RASSF5: variants seen among roughly 807,000 people sequenced by gnomAD.
RASSF5 encodes ras association domain-containing protein 5.
In RASSF5, 25 loss-of-function variants were observed where a neutral mutation model predicts 40.5. The ratio of observed to expected loss-of-function variants is 0.62; its 90% CI spans 0.45 to 0.86. The LOEUF (loss-of-function observed/expected upper bound fraction) is 0.86. Among genes scored for constraint, RASSF5 ranks in the 40% least tolerant of loss-of-function variants. The pLI is 0.00. For missense variants in RASSF5, 521 were observed against 572.8 expected, an observed-to-expected ratio of 0.91 and a Z score of 0.92; for synonymous variants, 246 against 252.4, an observed-to-expected ratio of 0.97 and a Z score of 0.24.
chr1:206,576,365 G>A (rs1193304360), intron 2 of RASSF5, among the ~76,000 whole-genome samples: 1 of 152,226 alleles, frequency 6.6e-6, no homozygotes, highest in East Asian at 1.9e-4. Flanking sequence ...CAGGGGGTGA[G>A]CCTAGCTGTC....
chr1:206,514,068 G>A (rs970230482), intron 1 of RASSF5, among the ~76,000 whole-genome samples: 1 of 152,250 alleles, frequency 6.6e-6, no homozygotes, highest in Non-Finnish European at 1.5e-5. Context: ...AGGCCATGCC[G>A]GGCCTGTTCT....
At chr1:206,515,339 G>A (rs1572289677) in intron 1 of RASSF5, among the ~76,000 whole-genome samples, 1 of 152,170 alleles carries the variant, frequency 6.6e-6, no homozygotes, top group Non-Finnish European at 1.5e-5. Flanking sequence ...TTAGAAAAAG[G>A]GTGAAGTTTT....
chr1:206,566,373 G>C (rs1668290065), intron 2 of RASSF5, among the ~76,000 whole-genome samples: 2 of 152,118 alleles, frequency 1.3e-5, no homozygotes, highest in African/African-American at 4.8e-5. Context: ...GTTTTTTCCT[G>C]TTCTAGTCTT....
intron 1 of RASSF5, among the ~76,000 whole-genome samples, chr1:206,510,910 G>C (rs1369557305): frequency 6.6e-6 from 1 of 152,212 alleles, no homozygotes; most frequent in Non-Finnish European, 1.5e-5. Flanking sequence ...GGGTATGTGA[G>C]TGACATCTGT....
chr1:206,529,930 A>G (rs906231867), intron 1 of RASSF5, among the ~76,000 whole-genome samples: 1 of 152,062 alleles, frequency 6.6e-6, no homozygotes, highest in Admixed American at 6.6e-5. Flanking sequence ...AAATAAATAC[A>G]ATAAAATAAA....
rs1324876650 is a variant in RASSF5 at position 206,560,410 on chromosome 1, C to G, written c.579+22117C>G. Among the ~76,000 whole-genome samples, 2 of 152,180 alleles carry G rather than the reference C, an allele frequency of 1.3e-5. No individual in the cohort carries two copies. The highest frequency in any genetic ancestry group is 2.9e-5 in the Non-Finnish European group (2 of 68,026). ...CTCCCCATTTCATAGGAAGGGGGTG[C>G]CTAAAGGTCAGGAGACAGCAAGGGA... On this transcript the variant is annotated intron_variant, in intron 2 of 5. Coordinates refer to ENST00000579436, the MANE Select transcript of RASSF5 (RefSeq NM_182663.4). The surrounding 1 kb of genome is among the most constrained non-coding windows in gnomAD (Gnocchi z 5.1).
intron 2 of RASSF5, among the ~76,000 whole-genome samples, chr1:206,548,411 C>T (rs1667750524): frequency 6.6e-6 from 1 of 152,120 alleles, no homozygotes; most frequent in South Asian, 2.1e-4. Flanking sequence ...AGGCGCCAAG[C>T]TCCTTTGAAC....
intron 2 of RASSF5, 80 bp from the exon 3 acceptor site, chr1:206,583,189 G>A (rs2103569472): frequency 2.2e-6 from 2 of 904,626 alleles, no homozygotes; most frequent in Non-Finnish European, 3.7e-6. Flanking sequence ...GGTTAGAGAG[G>A]CTTTGGGGAG....
chr1:206,554,637 T>C (rs1483869882), intron 2 of RASSF5, among the ~76,000 whole-genome samples: 2 of 152,176 alleles, frequency 1.3e-5, no homozygotes, highest in Admixed American at 1.3e-4. Flanking sequence ...TTGCTCAGAC[T>C]CTTCCATGCC....
chr1:206,557,571 T>A, intron 2 of RASSF5: 2 of 1,613,728 alleles, frequency 1.2e-6, no homozygotes, highest in Non-Finnish European at 1.7e-6. Flanking sequence ...AACTCCGGGG[T>A]AGATGACCGT....
At chr1:206,573,096 T>C (rs1003043103) in intron 2 of RASSF5, among the ~76,000 whole-genome samples, 2 of 152,240 alleles carry the variant, frequency 1.3e-5, no homozygotes, top group African/African-American at 4.8e-5. Flanking sequence ...GCTTACTGTG[T>C]ACTTTGTGCT....
At position 206,535,028 on chromosome 1, in the gene RASSF5, C is replaced by T. The variant is rs949985240; in HGVS notation, c.458-3144C>T. On this transcript the variant is annotated intron_variant, in intron 1 of 5. Transcript: ENST00000579436. The surrounding 1 kb of genome is among the most constrained non-coding windows in gnomAD (Gnocchi z 5.0). ...GGCAAATCGCTTGAGCCCAGGAGTT[C>T]GAGACCAGCCTGGGAAAAATGGTGA... 6.6e-6 allele frequency among the ~76,000 whole-genome samples: 1 copy of T among 152,072 alleles called. No homozygotes were observed. The highest frequency in any genetic ancestry group is 2.4e-5 in the African/African-American group (1 of 41,388).
chr1:206,557,288 G>A, intron 2 of RASSF5: 1 of 1,230,928 alleles, frequency 8.1e-7, no homozygotes, highest in African/African-American at 1.6e-5. Context: ...GCCCGGACGA[G>A]TCAGGGAGTG....
chr1:206,586,837 C>A lies in RASSF5; in HGVS notation c.1116C>A (p.Phe372Leu), dbSNP rs782710434. ...CTCTCGCCTCACAGTGGGATGCCTTCTCCATCCCTGAACTTCAGAACTTCC... is the reference window on the plus strand; with the variant it reads ...CTCTCGCCTCACAGTGGGATGCCTTATCCATCCCTGAACTTCAGAACTTCC... ...NETGEVEWDA[F>L]SIPELQNFLT... Residue 372 changes from phenylalanine (F) to leucine (L), a missense_variant, in exon 6 of 6, where the codon TTC becomes TTA. Physicochemically the swap from Phe to Leu is conservative, Grantham distance 22. Around this residue, in one of 2 missense-constraint regions of RASSF5, gnomAD observed 284 missense variants for 360.8 expected, o/e 0.79. Coordinates refer to ENST00000579436, the MANE Select transcript of RASSF5 (RefSeq NM_182663.4). 4 of 1,613,038 alleles carry A rather than the reference C, an allele frequency of 2.5e-6. No homozygotes were observed. The highest frequency in any genetic ancestry group is 3.4e-6 in the Non-Finnish European group (4 of 1,179,268).
rs782247791 is a variant in RASSF5, at chr1:206,507,644, G to A, written c.42G>A (p.Pro14=). 6.5e-7 allele frequency: 1 copy of A among 1,535,528 alleles called. No individual in the cohort carries two copies. Among genetic ancestry groups the A allele is most frequent in the Non-Finnish European group, 8.7e-7 (1 of 1,147,790 alleles). The change falls in exon 1 of 6, where the codon CCG becomes CCA. Residue 14 remains proline, a synonymous_variant. Coordinates refer to ENST00000579436, the MANE Select transcript of RASSF5 (RefSeq NM_182663.4). The part of the protein sequence containing the change: ...ASPAIGQRPY[P]LLLDPEPPRY... ...CGGCCATCGGGCAGCGCCCGTACCCGCTACTATTGGACCCCGAGCCGCCGC... is the reference window on the plus strand; with the variant it reads ...CGGCCATCGGGCAGCGCCCGTACCCACTACTATTGGACCCCGAGCCGCCGC...
At chr1:206,522,806 A>G (rs1666942103) in intron 1 of RASSF5, among the ~76,000 whole-genome samples, 1 of 152,186 alleles carries the variant, frequency 6.6e-6, no homozygotes, top group Non-Finnish European at 1.5e-5. Context: ...ATCATCAGGA[A>G]ACATAATGTA....
chr1:206,583,170 T>G (rs1668961192), intron 2 of RASSF5, 99 bp from the exon 3 acceptor site: 1 of 780,022 alleles, frequency 1.3e-6, no homozygotes, highest in Non-Finnish European at 2.3e-6. Context: ...GGCTGGATGC[T>G]CACTTCTTGG....
At chr1:206,550,500 T>G (rs544094675) in intron 2 of RASSF5, among the ~76,000 whole-genome samples, 41 of 152,056 alleles carry the variant, frequency 2.7e-4, no homozygotes, top group African/African-American at 9.4e-4. Context: ...TTTGTGGAGG[T>G]TTTTTGCATT....
chr1:206,584,705 A>C lies in RASSF5; in HGVS notation c.988+21A>C. Reference sequence around the variant, plus strand: ...ACAAGGTAGGAGAAAGAGTGAACCCAACCAGACCGTTCCCTTCCTACCTGT... The same window carrying C: ...ACAAGGTAGGAGAAAGAGTGAACCCCACCAGACCGTTCCCTTCCTACCTGT... On this transcript the variant is annotated intron_variant, in intron 4 of 5. Coordinates refer to ENST00000579436, the MANE Select transcript of RASSF5 (RefSeq NM_182663.4). The surrounding 1 kb of genome is among the most constrained non-coding windows in gnomAD (Gnocchi z 4.9). 1.2e-6 allele frequency: 2 copies of C among 1,613,834 alleles called. No homozygotes were observed. Among genetic ancestry groups the C allele is most frequent in the South Asian group, 2.2e-5 (2 of 91,062 alleles).
Sources: gnomAD v4.1 joint callset for allele counts (sites outside exome capture counted in the v4.1 genomes callset) on GRCh38, gnomAD v4.1.1 for gene constraint, gnomAD v4.1.1 regional missense constraint, Gnocchi (gnomAD v3.1) non-coding constraint, MANE v1.5 for transcripts, NCBI Gene and HGNC (gene_info 2026-07-23, HGNC 2026-07-21) for gene names.